ZCCHC7: variants seen among roughly 807,000 people sequenced by gnomAD.
The protein encoded by ZCCHC7 is zinc finger CCHC-type containing 7, also known as zinc finger CCHC domain-containing protein 7.
ZCCHC7 carries 35 observed loss-of-function variants against 52.0 expected under a neutral mutation model. The observed-to-expected ratio is 0.67, with a 90% CI of 0.51 to 0.89. The LOEUF is 0.89. ZCCHC7 is among the 40% of genes least tolerant of loss of function. ZCCHC7 has a pLI of 0.00. For synonymous variants in ZCCHC7, 217 were observed against 221.5 expected (o/e 0.98, Z 0.18); for missense variants, 574 against 649.1 (o/e 0.88, Z 1.26).
chr9:37,191,033 A>G (rs1392577791), intron 2 of ZCCHC7, among the ~76,000 whole-genome samples: 1 of 152,128 alleles, frequency 6.6e-6, no homozygotes, highest in African/African-American at 2.4e-5. Context: ...AAAAAAAAAA[A>G]AAAAGAATAC....
chr9:37,191,988 T>C (rs1024827674), intron 2 of ZCCHC7, among the ~76,000 whole-genome samples: 3 of 152,254 alleles, frequency 2.0e-5, no homozygotes, highest in African/African-American at 4.8e-5. Context: ...AAAAGTGTTA[T>C]AAAGAGCTAA....
chr9:37,212,026 C>CAAAAAAAAAAAAAAAAAAAAAAAAAAA (rs574190937), intron 2 of ZCCHC7, among the ~76,000 whole-genome samples: 1 of 55,430 alleles, frequency 1.8e-5, no homozygotes, highest in Non-Finnish European at 3.3e-5. Flanking sequence ...GACTCCGTCT[C>CAAAAAAAAAAAAAAAAAAAAAAAAAAA]AAAAAAAAAA....
chr9:37,329,283 A>G (rs898027065), intron 6 of ZCCHC7, among the ~76,000 whole-genome samples: 2 of 151,682 alleles, frequency 1.3e-5, no homozygotes, highest in Non-Finnish European at 3.0e-5. Context: ...TTATATACCT[A>G]TAGTTAAAGG....
chr9:37,349,212 T>C (rs1821209369), intron 6 of ZCCHC7, 145 bp from the exon 7 acceptor site: 3 of 650,234 alleles, frequency 4.6e-6, no homozygotes, highest in East Asian at 2.7e-5. Context: ...TATACTTTAA[T>C]ATATGGAATC....
At chr9:37,290,503 A>G (rs548544034) in intron 2 of ZCCHC7, among the ~76,000 whole-genome samples, 4 of 152,186 alleles carry the variant, frequency 2.6e-5, no homozygotes, top group African/African-American at 9.6e-5. Context: ...AAAAAATACT[A>G]AAGTTAGCCA....
intron 2 of ZCCHC7, among the ~76,000 whole-genome samples, chr9:37,149,412 TA>T (rs899697983): frequency 2.3e-4 from 35 of 152,144 alleles, no homozygotes; most frequent in African/African-American, 8.0e-4. Flanking sequence ...CTTTCCCACT[TA>T]TTTTTTTTTA....
rs1304466996 is a variant in ZCCHC7 at position 37,306,489 on chromosome 9, G to A, written c.951+775G>A. On this transcript the variant is annotated intron_variant, in intron 5 of 8. Transcript: ENST00000336755. Reference sequence around the variant, plus strand: ...ATTTTATTTATTTATTTTTTGAGATGGAGTCTCGCTCTGTTGCCCAGGCTG... The same window carrying A: ...ATTTTATTTATTTATTTTTTGAGATAGAGTCTCGCTCTGTTGCCCAGGCTG... Among the ~76,000 whole-genome samples, 2 of 146,658 alleles carry A rather than the reference G, an allele frequency of 1.4e-5. 1 individual carries two copies. Among genetic ancestry groups the A allele is most frequent in the African/African-American group, 5.0e-5 (2 of 39,710 alleles).
chr9:37,296,150 C>T (rs994903029), intron 2 of ZCCHC7, among the ~76,000 whole-genome samples: 4 of 152,082 alleles, frequency 2.6e-5, no homozygotes, highest in African/African-American at 9.7e-5. Context: ...TCAAAGTTTG[C>T]AATCATGAAA....
intron 2 of ZCCHC7, among the ~76,000 whole-genome samples, chr9:37,300,760 A>G (rs1166058919): frequency 6.6e-6 from 1 of 152,160 alleles, no homozygotes; most frequent in East Asian, 1.9e-4. Context: ...AAAGGGAGAA[A>G]AAGATCTTTC....
At chr9:37,207,376 C>T (rs1218745532) in intron 2 of ZCCHC7, among the ~76,000 whole-genome samples, 1 of 151,596 alleles carries the variant, frequency 6.6e-6, no homozygotes, top group Non-Finnish European at 1.5e-5. Context: ...TCATTTTTCT[C>T]TGCCTTCTTT....
intron 2 of ZCCHC7, among the ~76,000 whole-genome samples, chr9:37,176,532 A>G (rs1822041774): frequency 6.6e-6 from 1 of 152,078 alleles, no homozygotes; most frequent in Non-Finnish European, 1.5e-5. Flanking sequence ...TTCATGTTGG[A>G]ATCAATAATA....
At chr9:37,269,654 AG>A in intron 2 of ZCCHC7, among the ~76,000 whole-genome samples, 3 of 149,682 alleles carry the variant, frequency 2.0e-5, no homozygotes, top group Non-Finnish European at 3.0e-5. Flanking sequence ...AAACAAAAGA[AG>A]TTCTAGGCAT....
chr9:37,249,873 G>A (rs1324757671), intron 2 of ZCCHC7, among the ~76,000 whole-genome samples: 1 of 152,144 alleles, frequency 6.6e-6, no homozygotes, highest in African/African-American at 2.4e-5. Flanking sequence ...AGTCAGAGAT[G>A]TGTAGAGTAT....
intron 7 of ZCCHC7, among the ~76,000 whole-genome samples, chr9:37,353,412 A>C (rs982876651): frequency 6.6e-6 from 1 of 152,218 alleles, no homozygotes; most frequent in Admixed American, 6.5e-5. Context: ...AATAAAAATT[A>C]TGAAGTCTGA....
At chr9:37,209,969 T>C (rs1297326793) in intron 2 of ZCCHC7, among the ~76,000 whole-genome samples, 1 of 152,170 alleles carries the variant, frequency 6.6e-6, no homozygotes, top group Non-Finnish European at 1.5e-5. Context: ...CCCCATGATA[T>C]AGGATTAGGT....
intron 2 of ZCCHC7, among the ~76,000 whole-genome samples, chr9:37,224,556 A>C (rs746377521): frequency 2.0e-5 from 3 of 152,198 alleles, no homozygotes; most frequent in Non-Finnish European, 2.9e-5. Flanking sequence ...CACTAATCTT[A>C]GAAGGGAAAT....
intron 2 of ZCCHC7, among the ~76,000 whole-genome samples, chr9:37,226,026 C>T (rs937654706): frequency 1.3e-5 from 2 of 152,172 alleles, no homozygotes; most frequent in African/African-American, 4.8e-5. Context: ...TTGCAGTTGA[C>T]ATAAAAATCT....
At chr9:37,236,920 T>C (rs1825679879) in intron 2 of ZCCHC7, among the ~76,000 whole-genome samples, 1 of 152,220 alleles carries the variant, frequency 6.6e-6, no homozygotes, top group Non-Finnish European at 1.5e-5. Context: ...GTGTCATAGA[T>C]ATTATATCAC....
At chr9:37,288,568 C>T (rs1196291668) in intron 2 of ZCCHC7, among the ~76,000 whole-genome samples, 3 of 151,960 alleles carry the variant, frequency 2.0e-5, no homozygotes, top group African/African-American at 7.3e-5. Flanking sequence ...GAATTCTCTC[C>T]TTCAGTTCTC....
Sources: gnomAD v4.1 joint callset for allele counts (sites outside exome capture counted in the v4.1 genomes callset) on GRCh38, gnomAD v4.1.1 for gene constraint, MANE v1.5 for transcripts, NCBI Gene and HGNC (gene_info 2026-07-23, HGNC 2026-07-21) for gene names.